ZCCHC14: variants seen among roughly 807,000 people sequenced by gnomAD.
The protein encoded by ZCCHC14 is zinc finger CCHC domain-containing protein 14.
Under a neutral mutation model 85.0 loss-of-function variants are expected in ZCCHC14, and 16 were observed. The ratio of observed to expected loss-of-function variants is 0.19; its 90% CI spans 0.13 to 0.29. The LOEUF is 0.29. Among genes scored for constraint, ZCCHC14 ranks in the 10% least tolerant of loss-of-function variants. ZCCHC14 has a pLI of 1.00. For missense variants in ZCCHC14, 1,303 were observed against 1,443.5 expected (o/e 0.90, Z 1.58); for synonymous variants, 775 against 630.7 (o/e 1.23, Z -3.43).
chr16:87,412,768 G>A lies in ZCCHC14; in HGVS notation c.1953C>T (p.His651=), dbSNP rs749654656. 4 of 1,614,114 alleles carry A rather than the reference G, an allele frequency of 2.5e-6. No homozygotes were observed. The highest frequency in any genetic ancestry group is 2.2e-5 in the East Asian group (1 of 44,884). ...ITPIRMLNSV[H]KPERGSADMK... Reference sequence around the variant, plus strand: ...TGTCCGCGCTCCCTCTTTCCGGCTTGTGCACGGAATTCAGCATGCGGATGG... The same window carrying A: ...TGTCCGCGCTCCCTCTTTCCGGCTTATGCACGGAATTCAGCATGCGGATGG... Residue 651 remains histidine (H), a synonymous_variant, in exon 12 of 13, where the codon CAC becomes CAT. Transcript: ENST00000671377.
Position 87,420,816 on chromosome 16 carries a change from C to T in ZCCHC14, c.841-100G>A. The T allele has an allele frequency of 2.1e-6, 2 of 933,262 alleles. No individual in the cohort carries two copies. The highest frequency in any genetic ancestry group is 3.2e-6 in the Non-Finnish European group (2 of 619,642). The allele number at this position is 933,262 out of a possible 1,614,324, so 57.8% of individuals were successfully genotyped here. On this transcript the variant is annotated intron_variant, in intron 4 of 12. Transcript: ENST00000671377. This position sits in a 1 kb window ranked among gnomAD's most constrained non-coding sequence, Gnocchi z 5.0. ...AACCTGGGGCAGGTGCTCCATGGTG[C>T]CGCCTGCTGGTCTGATATGATTTAC...
At chr16:87,488,510 A>G (rs540391329) in intron 1 of ZCCHC14, among the ~76,000 whole-genome samples, 27 of 152,380 alleles carry the variant, frequency 1.8e-4, no homozygotes, top group African/African-American at 6.5e-4. Flanking sequence ...GAATTTTTAA[A>G]TAAAAACACA....
intron 2 of ZCCHC14, among the ~76,000 whole-genome samples, chr16:87,452,863 C>A (rs888859115): frequency 6.6e-6 from 1 of 152,186 alleles, no homozygotes; most frequent in African/African-American, 2.4e-5. Flanking sequence ...AACAGCGAAG[C>A]CCCATGCCTT....
chr16:87,464,421 T>C (rs1329223291), intron 1 of ZCCHC14, among the ~76,000 whole-genome samples: 1 of 152,192 alleles, frequency 6.6e-6, no homozygotes, highest in East Asian at 1.9e-4. Flanking sequence ...GTCCAGGTTT[T>C]ATACTGCACC....
In ZCCHC14 at chr16:87,411,241, G is replaced by A. The variant is rs141411223; in HGVS notation, c.3205+275C>T. On this transcript the variant is annotated intron_variant, in intron 12 of 12. Coordinates refer to ENST00000671377, the MANE Select transcript of ZCCHC14 (RefSeq NM_015144.3). The stretch of plus-strand genomic sequence containing the variant: ...CCCTCACACGTGCCTCTCTGGGCTC[G>A]AATCAGGACACGGCAGTCCAGGGAG... Among the ~76,000 whole-genome samples, 12 of 152,304 alleles carry A rather than the reference G, an allele frequency of 7.9e-5. No individual in the cohort carries two copies. In the East Asian group the frequency reaches 1.9e-3, roughly 25 times the overall value.
At chr16:87,417,967 T>C (rs1908883277) in intron 7 of ZCCHC14, 2 of 553,752 alleles carry the variant, frequency 3.6e-6, no homozygotes, top group Non-Finnish European at 6.3e-6. Context: ...TGTGCACACG[T>C]GTGCATACAG....
chr16:87,449,926 T>C (rs1910614965), intron 2 of ZCCHC14, among the ~76,000 whole-genome samples: 1 of 152,184 alleles, frequency 6.6e-6, no homozygotes, highest in Non-Finnish European at 1.5e-5. Flanking sequence ...GTGCCTGTGG[T>C]CTCAGTTACT....
intron 1 of ZCCHC14, among the ~76,000 whole-genome samples, chr16:87,476,873 T>A (rs998508907): frequency 2.0e-5 from 3 of 151,776 alleles, no homozygotes; most frequent in African/African-American, 7.3e-5. Flanking sequence ...GTGCCTGTAA[T>A]CCCAGCACTT....
Position 87,420,657 on chromosome 16 carries a change from C to T in ZCCHC14, c.900G>A (p.Pro300=), listed in dbSNP as rs140260999. 2.0e-5 allele frequency: 32 copies of T among 1,613,798 alleles called. No homozygotes were observed. The African/African-American group carries it at 2.7e-4, about 13-fold the overall frequency. Reference sequence around the variant, plus strand: ...GGTTTCGCTCCACATAAAATGCGTCCGGACCAGCTAAGCAAGGAATGAGTT... The same window carrying T: ...GGTTTCGCTCCACATAAAATGCGTCTGGACCAGCTAAGCAAGGAATGAGTT... ...LEKLIPCLAG[P]DAFYVERNHV... Residue 300 remains proline, a synonymous_variant, in exon 5 of 13, where the codon CCG becomes CCA. Transcript: ENST00000671377. The surrounding 1 kb of genome is among the most constrained non-coding windows in gnomAD (Gnocchi z 5.0).
intron 10 of ZCCHC14, 83 bp from the exon 11 acceptor site, chr16:87,413,278 G>C: frequency 7.0e-7 from 1 of 1,435,794 alleles, no homozygotes; most frequent in Non-Finnish European, 9.1e-7. Context: ...TCGCACTGTC[G>C]GCAGGTGCTC....
At chr16:87,474,716 C>T (rs377422874) in intron 1 of ZCCHC14, among the ~76,000 whole-genome samples, 77 of 152,270 alleles carry the variant, frequency 5.1e-4, no homozygotes, top group African/African-American at 1.8e-3. Context: ...CCTGAAAAAC[C>T]AGAGAGGGGA....
At chr16:87,455,889 T>G (rs375425837) in intron 2 of ZCCHC14, among the ~76,000 whole-genome samples, 1 of 152,224 alleles carries the variant, frequency 6.6e-6, no homozygotes, top group Non-Finnish European at 1.5e-5. Flanking sequence ...TTTGCCCACC[T>G]GCAGGCTAAT....
intron 1 of ZCCHC14, among the ~76,000 whole-genome samples, chr16:87,475,221 C>T (rs921658583): frequency 3.3e-5 from 5 of 152,052 alleles, no homozygotes; most frequent in African/African-American, 1.2e-4. Context: ...ACAAGCCAAA[C>T]GGGTCTCAAG....
chr16:87,434,039 G>T (rs577507950), intron 2 of ZCCHC14, among the ~76,000 whole-genome samples: 1 of 152,296 alleles, frequency 6.6e-6, no homozygotes, highest in East Asian at 1.9e-4. Flanking sequence ...AGATAGCACC[G>T]TCTGGGAGCA....
intron 1 of ZCCHC14, chr16:87,467,149 T>A: frequency 8.7e-7 from 1 of 1,146,138 alleles, no homozygotes; most frequent in Admixed American, 1.7e-5. Flanking sequence ...TCAGACCTGT[T>A]GATAGATGAA....
intron 4 of ZCCHC14, among the ~76,000 whole-genome samples, chr16:87,421,114 G>A (rs1050240353): frequency 6.6e-6 from 1 of 152,254 alleles, no homozygotes; most frequent in African/African-American, 2.4e-5. Context: ...ACAGGCTGAC[G>A]TGGCCAACAG....
intron 1 of ZCCHC14, among the ~76,000 whole-genome samples, chr16:87,468,987 C>A (rs150534342): frequency 6.6e-6 from 1 of 152,174 alleles, no homozygotes; most frequent in African/African-American, 2.4e-5. Flanking sequence ...AAAAAGAATA[C>A]GGTCAGTTTA....
chr16:87,455,265 G>A (rs1003664118), intron 2 of ZCCHC14, among the ~76,000 whole-genome samples: 1 of 151,990 alleles, frequency 6.6e-6, no homozygotes, highest in Admixed American at 6.6e-5. Flanking sequence ...TCCAGCCTGG[G>A]CAACAAGAGT....
At position 87,417,365 on chromosome 16, in the gene ZCCHC14, T is replaced by C. The variant is rs1049029369; in HGVS notation, c.1383+95A>G. ...GCTGCGCCTCGGCCTCCGTACTTCA[T>C]CCACCTTGTGTTGGTTTGGAAACTC... On this transcript the variant is annotated intron_variant, in intron 8 of 12. Transcript: ENST00000671377. 3.3e-6 allele frequency: 5 copies of C among 1,530,344 alleles called. No individual in the cohort carries two copies. In the African/African-American group the frequency reaches 6.9e-5, roughly 21 times the overall value. The allele number at this position is 1,530,344 out of a possible 1,614,324, so 94.8% of individuals were successfully genotyped here.
Sources: gnomAD v4.1 joint callset for allele counts (sites outside exome capture counted in the v4.1 genomes callset) on GRCh38, gnomAD v4.1.1 for gene constraint, Gnocchi (gnomAD v3.1) non-coding constraint, MANE v1.5 for transcripts, NCBI Gene and HGNC (gene_info 2026-07-23, HGNC 2026-07-21) for gene names.